Variants in FAM184B observed in about 807,000 individuals in gnomAD.
The protein encoded by FAM184B is family with sequence similarity 184 member B.
A neutral mutation model predicts 135.9 loss-of-function variants in FAM184B; 111 were observed. That is an observed-to-expected ratio of 0.82 (90% CI 0.70 to 0.96). The LOEUF (loss-of-function observed/expected upper bound fraction) is 0.96, where lower values mean the gene tolerates loss of function less well. FAM184B is among the 40% of genes least tolerant of loss of function. The probability of loss-of-function intolerance (pLI) is 0.00; values close to 1 mark genes in which losing one functional copy is unlikely to be tolerated. For missense variants in FAM184B, 1,375 were observed against 1,323.9 expected, an observed-to-expected ratio of 1.04 and a Z score of -0.60; for synonymous variants, 552 against 524.8, an observed-to-expected ratio of 1.05 and a Z score of -0.71.
intron 1 of FAM184B, among the ~76,000 whole-genome samples, chr4:17,769,210 G>A (rs1261499442): frequency 6.6e-6 from 1 of 151,864 alleles, no homozygotes; most frequent in African/African-American, 2.4e-5. Context: ...TTATTGTGAA[G>A]GGGGAAAACA....
chr4:17,639,398 T>G lies in FAM184B; in HGVS notation c.2520-2A>C. 6.4e-7 allele frequency: 1 copy of G among 1,551,424 alleles called. No individual in the cohort carries two copies. The highest frequency in any genetic ancestry group is 8.7e-7 in the Non-Finnish European group (1 of 1,146,964). On this transcript the variant is annotated splice_acceptor_variant, in intron 13 of 17. Transcript: ENST00000265018. LOFTEE classifies it high-confidence loss of function. Reference sequence around the variant, plus strand: ...GCTTGCTGAGTCTCCTCCAGGAACCTGTGGTGGATGAAAGCACAGCCAGGC... The same window carrying G: ...GCTTGCTGAGTCTCCTCCAGGAACCGGTGGTGGATGAAAGCACAGCCAGGC...
chr4:17,678,474 A>T (rs1030442390), intron 7 of FAM184B, among the ~76,000 whole-genome samples: 4 of 152,170 alleles, frequency 2.6e-5, no homozygotes, highest in African/African-American at 9.7e-5. Context: ...CTAACCAAGG[A>T]GGTGAAAGAC....
intron 3 of FAM184B, among the ~76,000 whole-genome samples, chr4:17,706,998 G>A (rs1350307400): frequency 6.6e-6 from 1 of 152,132 alleles, no homozygotes; most frequent in Non-Finnish European, 1.5e-5. Context: ...ATGTTTGCCA[G>A]GCTGGTCTCG....
rs1468400398 is a variant in FAM184B, at chr4:17,752,980, A to G, written c.141+28179T>C. ...TAGCAGCTACTTCTAACTTGTTTGC[A>G]GTGTTTCAATTTGCTTGTACTTTCT... On this transcript the variant is annotated intron_variant, in intron 1 of 17. Coordinates refer to ENST00000265018, the MANE Select transcript of FAM184B (RefSeq NM_015688.2). 2.4e-4 allele frequency among the ~76,000 whole-genome samples: 36 copies of G among 152,204 alleles called. 1 individual carries two copies. Among genetic ancestry groups the G allele is most frequent in the Admixed American group, 2.4e-3 (36 of 15,284 alleles).
Position 17,632,186 on chromosome 4 carries a change from C to A in FAM184B, c.*346G>T, listed in dbSNP as rs750174845. ...GCCTCCTAGGTTCAAGTGATCCTCC[C>A]GCCTCAGTCCCCCAAGTACCTGGGA... On this transcript the variant is annotated 3_prime_UTR_variant, in exon 18 of 18. Coordinates refer to ENST00000265018, the MANE Select transcript of FAM184B (RefSeq NM_015688.2). The A allele has an allele frequency of 6.4e-6, 1 of 155,920 alleles. No homozygotes were observed. The highest frequency in any genetic ancestry group is 1.4e-5 in the Non-Finnish European group (1 of 70,776). 9.7% of individuals were successfully genotyped at this position (155,920 alleles called of 1,614,324 possible). A position where few individuals can be genotyped will look rare whatever the true frequency, so the allele number is the denominator to read the frequency against.
Position 17,636,593 on chromosome 4 carries a change from G to C in FAM184B, c.2719C>G (p.Leu907Val). ...PGKGASRPED[L>V]QLIGRLQTRL... ...GTCTGCAGGCGGCCAATGAGCTGAA[G>C]GTCCTCGGGCCTGGACGCTCCCTTC... The change falls in exon 15 of 18, where the codon CTT becomes GTT. Residue 907 changes from leucine (L) to valine (V), a missense_variant. Transcript: ENST00000265018. 6.4e-7 allele frequency: 1 copy of C among 1,551,090 alleles called. No individual in the cohort carries two copies. The highest frequency in any genetic ancestry group is 8.7e-7 in the Non-Finnish European group (1 of 1,146,940).
rs1460028847 is a variant in FAM184B at position 17,705,791 on chromosome 4, G to T, written c.1131C>A (p.Leu377=). 1.9e-6 allele frequency: 3 copies of T among 1,551,794 alleles called. No homozygotes were observed. Among genetic ancestry groups the T allele is most frequent in the Admixed American group, 3.9e-5 (2 of 50,994 alleles). Residue 377 remains leucine, a synonymous_variant, in exon 4 of 18, where the codon CTC becomes CTA. Transcript: ENST00000265018. Reference sequence around the variant, plus strand: ...CTCCTTTCATGCAAGGGCACTCCTTGAGACAGCTTTGATCCTGCTGAGGAT... The same window carrying T: ...CTCCTTTCATGCAAGGGCACTCCTTTAGACAGCTTTGATCCTGCTGAGGAT... ...NLHPQQDQSC[L]KECPCMKGGT...
chr4:17,704,505 A>G (rs1390394008), intron 5 of FAM184B, among the ~76,000 whole-genome samples: 1 of 152,152 alleles, frequency 6.6e-6, no homozygotes, highest in Non-Finnish European at 1.5e-5. Flanking sequence ...GCTACTCTAC[A>G]AGGTGCTATT....
chr4:17,677,263 G>A (rs1222926901), intron 7 of FAM184B, among the ~76,000 whole-genome samples: 2 of 152,140 alleles, frequency 1.3e-5, no homozygotes, highest in African/African-American at 4.8e-5. Context: ...GCCCAGGCTA[G>A]TCTCAAACTC....
rs138606649 is a variant in FAM184B at position 17,760,815 on chromosome 4, G to A, written c.141+20344C>T. Reference sequence around the variant, plus strand: ...GCATAATTGCATAAAAGCCTGTTGCGTTTCTCGGAAGAAATGCCCTTTCTC... The same window carrying A: ...GCATAATTGCATAAAAGCCTGTTGCATTTCTCGGAAGAAATGCCCTTTCTC... On this transcript the variant is annotated intron_variant, in intron 1 of 17. Coordinates refer to ENST00000265018, the MANE Select transcript of FAM184B (RefSeq NM_015688.2). Among the ~76,000 whole-genome samples, 924 of 152,272 alleles carry A rather than the reference G, an allele frequency of 6.1e-3. 10 individuals are homozygous for A. The highest frequency in any genetic ancestry group is 0.02 in the African/African-American group (830 of 41,548).
rs765978544 is a variant in FAM184B at position 17,642,231 on chromosome 4, G to C, written c.2347-3C>G. 1 of 1,480,398 alleles carries C rather than the reference G, an allele frequency of 6.8e-7. No homozygotes were observed. The highest frequency in any genetic ancestry group is 1.3e-5 in the South Asian group (1 of 75,656). 91.7% of individuals were successfully genotyped at this position (1,480,398 alleles called of 1,614,324 possible). A position where few individuals can be genotyped will look rare whatever the true frequency, so the allele number is the denominator to read the frequency against. On this transcript the variant is annotated splice_polypyrimidine_tract_variant and splice_region_variant and intron_variant, in intron 12 of 17. Coordinates refer to ENST00000265018, the MANE Select transcript of FAM184B (RefSeq NM_015688.2). ...GCCTGGCCCGGGCCGCCCCGCTCCT[G>C]AGGAAGGCAACCAGGAGAGGTGTTT... is the stretch of plus-strand genomic sequence containing the variant.
At chr4:17,703,952 A>G (rs185894531) in intron 5 of FAM184B, among the ~76,000 whole-genome samples, 10 of 151,858 alleles carry the variant, frequency 6.6e-5, no homozygotes, top group African/African-American at 2.4e-4. Context: ...AGCAAAAAGC[A>G]AAAAAAGAAA....
intron 2 of FAM184B, 86 bp downstream of exon 2, chr4:17,708,806 G>T: frequency 1.4e-6 from 2 of 1,394,588 alleles, no homozygotes; most frequent in Admixed American, 2.9e-5. Context: ...CAAGTGCTTA[G>T]CACAGTGCCT....
At chr4:17,667,228 C>T (rs1462657971) in intron 7 of FAM184B, among the ~76,000 whole-genome samples, 2 of 151,996 alleles carry the variant, frequency 1.3e-5, no homozygotes, top group African/African-American at 4.8e-5. Flanking sequence ...CTAAAGTTCT[C>T]ATATTACAGG....
intron 1 of FAM184B, among the ~76,000 whole-genome samples, chr4:17,766,837 G>A (rs1337147926): frequency 6.6e-6 from 1 of 152,212 alleles, no homozygotes; most frequent in Non-Finnish European, 1.5e-5. Context: ...CGGTCAATGG[G>A]ACCAGGCGCC....
rs557725116 is a variant in FAM184B at position 17,771,927 on chromosome 4, A to G, written c.141+9232T>C. ...CCTTATATTGGTAAAGCCTCACAAC[A>G]TATCACCAAGGTGGAAAATTTTCCC... On this transcript the variant is annotated intron_variant, in intron 1 of 17. Coordinates refer to ENST00000265018, the MANE Select transcript of FAM184B (RefSeq NM_015688.2). 2.6e-5 allele frequency among the ~76,000 whole-genome samples: 4 copies of G among 152,318 alleles called. No homozygotes were observed. In the South Asian group the frequency reaches 6.2e-4, roughly 24 times the overall value.
rs1261519386 is a variant in FAM184B at position 17,781,301 on chromosome 4, G to C, written c.-2C>G. 6.5e-7 allele frequency: 1 copy of C among 1,529,186 alleles called. No homozygotes were observed. Among genetic ancestry groups the C allele is most frequent in the East Asian group, 2.5e-5 (1 of 39,864 alleles). 94.7% of individuals were successfully genotyped at this position (1,529,186 alleles called of 1,614,324 possible). Reference sequence around the variant, plus strand: ...TTTGCTGTTGAGAGCAGAAGCCATCGCTAAAACGCGCCCAGCACTCAGACT... The same window carrying C: ...TTTGCTGTTGAGAGCAGAAGCCATCCCTAAAACGCGCCCAGCACTCAGACT... On this transcript the variant is annotated 5_prime_UTR_variant, in exon 1 of 18. Transcript: ENST00000265018. The surrounding 1 kb of genome is among the most constrained non-coding windows in gnomAD (Gnocchi z 6.5).
At chr4:17,641,805 CTCTTT>C (rs1715324567) in intron 13 of FAM184B, among the ~76,000 whole-genome samples, 1 of 151,906 alleles carries the variant, frequency 6.6e-6, no homozygotes, top group Non-Finnish European at 1.5e-5. Flanking sequence ...GCCAGACTCC[CTCTTT>C]TATTTCAAGG....
intron 1 of FAM184B, among the ~76,000 whole-genome samples, chr4:17,720,075 G>A (rs1349414888): frequency 6.6e-6 from 1 of 152,126 alleles, no homozygotes; most frequent in Non-Finnish European, 1.5e-5. Context: ...CAGAGTGTTA[G>A]CCTCAGTCTG....
Sources: gnomAD v4.1 joint callset for allele counts (sites outside exome capture counted in the v4.1 genomes callset) on GRCh38, gnomAD v4.1.1 for gene constraint, Gnocchi (gnomAD v3.1) non-coding constraint, MANE v1.5 for transcripts, NCBI Gene and HGNC (gene_info 2026-07-23, HGNC 2026-07-21) for gene names.